Variants in MAPK10 observed in about 807,000 individuals in gnomAD.
The protein encoded by MAPK10 is mitogen-activated protein kinase 10, also known as JNK3 alpha protein kinase.
MAPK10 carries 25 observed loss-of-function variants against 59.3 expected under a neutral mutation model. The ratio of observed to expected loss-of-function variants is 0.42; its 90% CI spans 0.31 to 0.59. The LOEUF (loss-of-function observed/expected upper bound fraction) is 0.59. Ranked by LOEUF, MAPK10 falls within the 20% of genes least tolerant of loss-of-function variation. The probability of loss-of-function intolerance (pLI) is 0.15; values close to 1 mark genes in which losing one functional copy is unlikely to be tolerated. For synonymous variants in MAPK10, 190 were observed against 200.5 expected (o/e 0.95, Z 0.44); for missense variants, 351 against 568.9 (o/e 0.62, Z 3.90).
chr4:86,516,178 G>A (rs1344791656), intron 1 of MAPK10, among the ~76,000 whole-genome samples: 1 of 152,098 alleles, frequency 6.6e-6, no homozygotes, highest in Admixed American at 6.5e-5. Flanking sequence ...CTTTGCCAAA[G>A]ATCAGTTGGC....
chr4:86,393,362 A>G (rs2149010808), intron 1 of MAPK10, among the ~76,000 whole-genome samples: 1 of 151,766 alleles, frequency 6.6e-6, no homozygotes, highest in East Asian at 1.9e-4. Context: ...GAAAATAACT[A>G]TTGTAAACAA....
At chr4:86,400,704 C>T (rs1031204853) in intron 1 of MAPK10, among the ~76,000 whole-genome samples, 8 of 152,090 alleles carry the variant, frequency 5.3e-5, no homozygotes, top group African/African-American at 1.4e-4. Flanking sequence ...ATATAACAGA[C>T]GCTGCCCTCT....
intron 13 of MAPK10, chr4:86,024,182 C>T (rs1330457398): frequency 6.6e-6 from 1 of 151,998 alleles, no homozygotes; most frequent in African/African-American, 2.4e-5. Context: ...TGAAATAAGG[C>T]TCCCTTATAG....
intron 4 of MAPK10, among the ~76,000 whole-genome samples, chr4:86,147,121 C>G (rs2065200140): frequency 6.6e-6 from 1 of 151,544 alleles, no homozygotes; most frequent in African/African-American, 2.4e-5. Context: ...GTGTCTCGCT[C>G]TGTCAGCCAG....
intron 1 of MAPK10, among the ~76,000 whole-genome samples, chr4:86,479,424 G>A (rs1019464514): frequency 1.3e-5 from 2 of 150,708 alleles, no homozygotes; most frequent in African/African-American, 2.4e-5. Context: ...CTTTTTATTA[G>A]GCCCCAGTCT....
chr4:86,473,511 G>A (rs1239842948), intron 1 of MAPK10, among the ~76,000 whole-genome samples: 2 of 152,204 alleles, frequency 1.3e-5, no homozygotes, highest in Non-Finnish European at 2.9e-5. Flanking sequence ...GAATTGGAAA[G>A]AGATTAGGAA....
At chr4:86,367,709 T>C (rs1738147128) in intron 1 of MAPK10, among the ~76,000 whole-genome samples, 1 of 152,064 alleles carries the variant, frequency 6.6e-6, no homozygotes, top group Non-Finnish European at 1.5e-5. Context: ...TAGTCCTGTG[T>C]CAGACTGTCT....
intron 3 of MAPK10, among the ~76,000 whole-genome samples, chr4:86,172,858 C>T (rs980130512): frequency 3.3e-5 from 5 of 151,596 alleles, no homozygotes; most frequent in Admixed American, 1.3e-4. Context: ...AATGAACTTC[C>T]ATTCACAATT....
rs568951840 is a variant in MAPK10 at position 86,558,249 on chromosome 4, A to G, written c.-263+35661T>C. On this transcript the variant is annotated intron_variant, in intron 1 of 4. Transcript: ENST00000502302. Reference sequence around the variant, plus strand: ...TCATAAATTTAAGTCACATAAATTCAAGAAAGTATATTCTTATTTGATGTT... The same window carrying G: ...TCATAAATTTAAGTCACATAAATTCGAGAAAGTATATTCTTATTTGATGTT... Among the ~76,000 whole-genome samples the G allele has an allele frequency of 1.8e-4, 27 of 152,324 alleles. No homozygotes were observed. The South Asian group carries it at 5.6e-3, about 32-fold the overall frequency.
At chr4:86,274,024 A>G (rs1314217361) in intron 2 of MAPK10, among the ~76,000 whole-genome samples, 4 of 152,044 alleles carry the variant, frequency 2.6e-5, no homozygotes, top group Non-Finnish European at 5.9e-5. Flanking sequence ...TAAAGGGTAA[A>G]ATACATTTCA....
intron 2 of MAPK10, among the ~76,000 whole-genome samples, chr4:86,221,565 C>A (rs1303121370): frequency 6.6e-6 from 1 of 152,060 alleles, no homozygotes. Context: ...CAGGTCACTG[C>A]AGGCTCGACC....
intron 2 of MAPK10, among the ~76,000 whole-genome samples, chr4:86,309,879 C>T (rs1313715987): frequency 1.3e-5 from 2 of 152,130 alleles, no homozygotes; most frequent in African/African-American, 4.8e-5. Context: ...TTAAGCACTA[C>T]ACCACTATCC....
intron 4 of MAPK10, among the ~76,000 whole-genome samples, chr4:86,157,431 A>C (rs1374007533): frequency 6.6e-6 from 1 of 151,960 alleles, no homozygotes; most frequent in African/African-American, 2.4e-5. Context: ...AGGCAAAATA[A>C]ATTAATGATA....
At chr4:86,171,287 C>A (rs1288615302) in intron 3 of MAPK10, among the ~76,000 whole-genome samples, 3 of 152,072 alleles carry the variant, frequency 2.0e-5, no homozygotes, top group African/African-American at 7.2e-5. Context: ...AACCTAGGAG[C>A]TGGTTTTTTG....
chr4:86,312,339 T>C (rs1305239086), intron 2 of MAPK10, among the ~76,000 whole-genome samples: 2 of 152,112 alleles, frequency 1.3e-5, no homozygotes, highest in Non-Finnish European at 2.9e-5. Flanking sequence ...GGACTCTATA[T>C]ACCATATTCT....
intron 3 of MAPK10, among the ~76,000 whole-genome samples, chr4:86,174,269 C>T (rs796612370): frequency 2.3e-4 from 35 of 152,256 alleles, no homozygotes; most frequent in African/African-American, 7.9e-4. Flanking sequence ...CACATATACA[C>T]CGTGGAATAC....
At chr4:86,208,620 C>A (rs1257513974) in intron 2 of MAPK10, among the ~76,000 whole-genome samples, 2 of 151,806 alleles carry the variant, frequency 1.3e-5, no homozygotes, top group Non-Finnish European at 2.9e-5. Flanking sequence ...ATGACAAACC[C>A]ACAGCCAATA....
At chr4:86,451,385 C>T (rs563846860) in intron 1 of MAPK10, among the ~76,000 whole-genome samples, 9 of 152,236 alleles carry the variant, frequency 5.9e-5, no homozygotes, top group African/African-American at 2.2e-4. Context: ...GAGACCTTCA[C>T]CAAACTACCT....
intron 3 of MAPK10, among the ~76,000 whole-genome samples, chr4:86,165,174 A>C (rs2071198898): frequency 6.6e-6 from 1 of 152,142 alleles, no homozygotes; most frequent in East Asian, 1.9e-4. Flanking sequence ...CCAGTTGCCT[A>C]AAGTCTTGAT....
Sources: allele counts gnomAD v4.1 joint callset (sites outside exome capture counted in the v4.1 genomes callset), GRCh38; gene constraint gnomAD v4.1.1; transcripts MANE v1.5; gene names NCBI Gene and HGNC (gene_info 2026-07-23, HGNC 2026-07-21).